Variants in ARHGAP15 observed in about 807,000 individuals in gnomAD.
ARHGAP15 encodes the protein rho GTPase-activating protein 15.
Under a neutral mutation model 63.7 loss-of-function variants are expected in ARHGAP15, and 51 were observed. The observed-to-expected ratio is 0.80, with a 90% CI of 0.64 to 1.01. The LOEUF (loss-of-function observed/expected upper bound fraction) is 1.01, where lower values mean the gene tolerates loss of function less well. Among genes scored for constraint, ARHGAP15 ranks in the 50% least tolerant of loss-of-function variants. ARHGAP15 has a pLI of 0.00. For missense variants in ARHGAP15, 560 were observed against 564.6 expected, an observed-to-expected ratio of 0.99 and a Z score of 0.08; for synonymous variants, 191 against 193.8, an observed-to-expected ratio of 0.99 and a Z score of 0.12.
At chr2:143,696,807 C>T (rs996584568) in intron 12 of ARHGAP15, among the ~76,000 whole-genome samples, 7 of 152,130 alleles carry the variant, frequency 4.6e-5, no homozygotes, top group Non-Finnish European at 1.0e-4. Context: ...TCAGTTCCAA[C>T]TCTCAGGTGA....
Position 143,684,706 on chromosome 2 carries a change from C to T in ARHGAP15, c.1139-18713C>T, listed in dbSNP as rs114287100. 4.4e-3 allele frequency among the ~76,000 whole-genome samples: 673 copies of T among 152,168 alleles called. 1 individual carries two copies. The highest frequency in any genetic ancestry group is 6.8e-3 in the Admixed American group (104 of 15,286). On this transcript the variant is annotated intron_variant, in intron 12 of 13. Transcript: ENST00000295095. Reference sequence around the variant, plus strand: ...CATGCATGTTGTTTTGCAAGCTAACCGGTTAAATATGGCTTTGCTTTAAGA... The same window carrying T: ...CATGCATGTTGTTTTGCAAGCTAACTGGTTAAATATGGCTTTGCTTTAAGA...
rs572723865 is a variant in ARHGAP15, at chr2:143,347,041, C to CTT, written c.475-88558_475-88557dup. 2.2e-3 allele frequency among the ~76,000 whole-genome samples: 338 copies of CTT among 152,056 alleles called. 3 individuals are homozygous for CTT. Among genetic ancestry groups the CTT allele is most frequent in the African/African-American group, 7.8e-3 (325 of 41,478 alleles). ...ATCGAGAGGTCTTTTTGGTCTCTTTCTTTCTATATGGTTGGAACTGGTAAG... is the reference window on the plus strand; with the variant it reads ...ATCGAGAGGTCTTTTTGGTCTCTTTCTTTTTCTATATGGTTGGAACTGGTAAG... On this transcript the variant is annotated intron_variant, in intron 6 of 13. Coordinates refer to ENST00000295095, the MANE Select transcript of ARHGAP15 (RefSeq NM_018460.4).
chr2:143,292,635 TAGAA>T (rs1682457734), intron 6 of ARHGAP15, among the ~76,000 whole-genome samples: 1 of 152,050 alleles, frequency 6.6e-6, no homozygotes, highest in African/African-American at 2.4e-5. Context: ...ATTATTATAA[TAGAA>T]AGGTTGATTT....
At chr2:143,758,436 CT>C (rs1031932865) in intron 13 of ARHGAP15, among the ~76,000 whole-genome samples, 14 of 150,812 alleles carry the variant, frequency 9.3e-5, no homozygotes, top group East Asian at 3.9e-4. Flanking sequence ...CTGATTAGTA[CT>C]TTTTTTTTCC....
At chr2:143,566,484 C>A (rs1414083943) in intron 11 of ARHGAP15, among the ~76,000 whole-genome samples, 1 of 152,078 alleles carries the variant, frequency 6.6e-6, no homozygotes, top group Non-Finnish European at 1.5e-5. Flanking sequence ...ATGGACATTG[C>A]AATCTATCAG....
intron 6 of ARHGAP15, among the ~76,000 whole-genome samples, chr2:143,362,656 C>T (rs1000787108): frequency 1.3e-5 from 2 of 152,174 alleles, no homozygotes; most frequent in African/African-American, 4.8e-5. Context: ...AACAAGAATA[C>T]TTATTTTCCT....
intron 11 of ARHGAP15, among the ~76,000 whole-genome samples, chr2:143,600,964 G>T (rs932943054): frequency 6.6e-6 from 1 of 152,060 alleles, no homozygotes; most frequent in Admixed American, 6.6e-5. Flanking sequence ...TTTAAAATAT[G>T]ACCTATTTTT....
At chr2:143,245,617 TCTTC>T (rs1475334889) in intron 5 of ARHGAP15, among the ~76,000 whole-genome samples, 3 of 142,476 alleles carry the variant, frequency 2.1e-5, no homozygotes, top group African/African-American at 7.9e-5. Context: ...CTTTTCTTCT[TCTTC>T]TTTTTTTTTT....
At chr2:143,219,410 C>T (rs1692897553) in intron 4 of ARHGAP15, among the ~76,000 whole-genome samples, 1 of 152,178 alleles carries the variant, frequency 6.6e-6, no homozygotes, top group African/African-American at 2.4e-5. Context: ...AGAATATATC[C>T]TCATCATTAA....
intron 6 of ARHGAP15, among the ~76,000 whole-genome samples, chr2:143,286,052 AC>A (rs1220790705): frequency 6.6e-6 from 1 of 152,212 alleles, no homozygotes; most frequent in African/African-American, 2.4e-5. Context: ...ATATCCCATA[AC>A]TTTTTTGAAC....
chr2:143,673,722 T>G (rs1210634279), intron 12 of ARHGAP15, among the ~76,000 whole-genome samples: 2 of 54,666 alleles, frequency 3.7e-5, no homozygotes, highest in African/African-American at 9.5e-5. Context: ...AGGCCTTATA[T>G]TGTGTGTGTG....
rs1450337838 is a variant in ARHGAP15 at position 143,299,851 on chromosome 2, C to A, written c.474+49251C>A. The stretch of plus-strand genomic sequence containing the variant: ...GTAGTTTGTTTACCTGGGAAATATT[C>A]ATGGAATATTTTGGAAACAACCATG... On this transcript the variant is annotated intron_variant, in intron 6 of 13. Transcript: ENST00000295095. Among the ~76,000 whole-genome samples, 8 of 151,848 alleles carry A rather than the reference C, an allele frequency of 5.3e-5. No individual in the cohort carries two copies. The East Asian group carries it at 1.6e-3, about 30-fold the overall frequency.
intron 6 of ARHGAP15, among the ~76,000 whole-genome samples, chr2:143,394,588 G>C (rs1574385523): frequency 6.6e-6 from 1 of 152,144 alleles, no homozygotes; most frequent in East Asian, 1.9e-4. Context: ...TTAATGACTA[G>C]TACTGTCTTC....
At chr2:143,725,159 A>G (rs544969638) in intron 13 of ARHGAP15, among the ~76,000 whole-genome samples, 2 of 152,356 alleles carry the variant, frequency 1.3e-5, no homozygotes, top group Admixed American at 1.3e-4. Context: ...AGAACCTTCT[A>G]TACTCCATCT....
intron 12 of ARHGAP15, among the ~76,000 whole-genome samples, chr2:143,673,756 G>GTGTGTATATATATA (rs1682668589): frequency 6.1e-4 from 19 of 30,988 alleles, no homozygotes; most frequent in African/African-American, 1.2e-3. Context: ...GTGTGTGTGT[G>GTGTGTATATATATA]TGTATATATA....
intron 2 of ARHGAP15, among the ~76,000 whole-genome samples, chr2:143,190,933 G>A (rs1315407465): frequency 6.6e-6 from 1 of 152,150 alleles, no homozygotes; most frequent in Admixed American, 6.5e-5. Flanking sequence ...ACCATGCCCA[G>A]CTGATTTTTG....
intron 13 of ARHGAP15, among the ~76,000 whole-genome samples, chr2:143,733,194 C>A (rs1362930376): frequency 1.3e-5 from 2 of 152,110 alleles, no homozygotes; most frequent in African/African-American, 4.8e-5. Context: ...AGAAAGAGTA[C>A]TTATTATCAA....
intron 12 of ARHGAP15, among the ~76,000 whole-genome samples, chr2:143,647,793 A>G (rs1171981463): frequency 6.6e-6 from 1 of 152,070 alleles, no homozygotes. Context: ...CTAGCTATCC[A>G]AGATTTATAT....
chr2:143,724,570 G>C (rs1475701487), intron 13 of ARHGAP15, among the ~76,000 whole-genome samples: 2 of 152,154 alleles, frequency 1.3e-5, no homozygotes, highest in African/African-American at 4.8e-5. Context: ...TGAACTGGTA[G>C]AGAGTCAAGC....
Sources: gnomAD v4.1 joint callset for allele counts (sites outside exome capture counted in the v4.1 genomes callset) on GRCh38, gnomAD v4.1.1 for gene constraint, MANE v1.5 for transcripts, NCBI Gene and HGNC (gene_info 2026-07-23, HGNC 2026-07-21) for gene names.